Variants in EHMT1 observed in about 807,000 individuals in gnomAD.
EHMT1 encodes the protein euchromatic histone lysine methyltransferase 1.
A neutral mutation model predicts 147.2 loss-of-function variants in EHMT1; 15 were observed. The ratio of observed to expected loss-of-function variants is 0.10; its 90% CI spans 0.07 to 0.16. EHMT1 has a LOEUF of 0.16. Among genes scored for constraint, EHMT1 ranks in the 10% least tolerant of loss-of-function variants. The pLI, the probability that EHMT1 is intolerant of heterozygous loss-of-function variation, is 1.00. For missense variants in EHMT1, 1,587 were observed against 1,772.4 expected, an observed-to-expected ratio of 0.90 and a Z score of 1.88; for synonymous variants, 795 against 709.6, an observed-to-expected ratio of 1.12 and a Z score of -1.91.
At position 137,782,322 on chromosome 9, in the gene EHMT1, G is replaced by A. The variant is rs1363468208; in HGVS notation, c.2307G>A (p.Glu769=). The part of the protein sequence containing the change: ...VDGIDPNFKM[E]HQNKRSPLHA... The stretch of plus-strand genomic sequence containing the variant: ...GAATTGACCCCAACTTCAAAATGGA[G>A]CACCAGAATAAGCGCTCTCCACTGC... Residue 769 remains glutamate, a synonymous_variant, in exon 15 of 27, where the codon GAG becomes GAA. Coordinates refer to ENST00000460843, the MANE Select transcript of EHMT1 (RefSeq NM_024757.5). This position sits in a 1 kb window ranked among gnomAD's most constrained non-coding sequence, Gnocchi z 5.7. 8 of 1,613,562 alleles carry A rather than the reference G, an allele frequency of 5.0e-6. No individual in the cohort carries two copies. The highest frequency in any genetic ancestry group is 6.8e-6 in the Non-Finnish European group (8 of 1,179,956).
chr9:137,629,581 G>A (rs1843487725), intron 1 of EHMT1, among the ~76,000 whole-genome samples: 2 of 151,986 alleles, frequency 1.3e-5, no homozygotes, highest in Admixed American at 1.3e-4. Flanking sequence ...TTTTAGTAGA[G>A]ACAGGGTTTC....
intron 4 of EHMT1, among the ~76,000 whole-genome samples, chr9:137,737,092 T>C (rs1947604762): frequency 1.3e-5 from 2 of 152,004 alleles, no homozygotes; most frequent in African/African-American, 4.8e-5. Flanking sequence ...TGGTTCCAGC[T>C]ACTCCAGAGC....
chr9:137,717,605 CAAAAAAAA>C lies in EHMT1; in HGVS notation c.642+437_642+444del, dbSNP rs1163785484. 8.6e-5 allele frequency among the ~76,000 whole-genome samples: 6 copies of C among 69,614 alleles called. No homozygotes were observed. The East Asian group carries it at 1.4e-3, about 17-fold the overall frequency. The allele number at this position is 69,614 out of a possible 152,430, so 45.7% of individuals were successfully genotyped here. A position where few individuals can be genotyped will look rare whatever the true frequency, so the allele number is the denominator to read the frequency against. On this transcript the variant is annotated intron_variant, in intron 3 of 26. Coordinates refer to ENST00000460843, the MANE Select transcript of EHMT1 (RefSeq NM_024757.5). ...TGGGCACCAGAGTGAGACCCTGTCT[CAAAAAAAA>C]AAAAAAAAAAAAAGAGATGCTGCTA...
chr9:137,635,984 C>T (rs960097980), intron 1 of EHMT1, among the ~76,000 whole-genome samples: 3 of 150,446 alleles, frequency 2.0e-5, no homozygotes, highest in East Asian at 2.0e-4. Flanking sequence ...TGCAGTGGTA[C>T]GATCTCGGTT....
In EHMT1 at chr9:137,834,486, C is replaced by T; in HGVS notation, c.3678C>T (p.Phe1226=). 1 of 1,612,474 alleles carries T rather than the reference C, an allele frequency of 6.2e-7. No individual in the cohort carries two copies. The highest frequency in any genetic ancestry group is 8.5e-7 in the Non-Finnish European group (1 of 1,179,782). Residue 1226 remains phenylalanine, a synonymous_variant, in exon 26 of 27, where the codon TTC becomes TTT. Transcript: ENST00000460843. ...HQDLRFPRIA[F]FSTRLIEAGE... Reference sequence around the variant, plus strand: ...ACCTGCGGTTCCCCCGGATCGCCTTCTTCAGCACCCGCCTGATCGAGGCCG... The same window carrying T: ...ACCTGCGGTTCCCCCGGATCGCCTTTTTCAGCACCCGCCTGATCGAGGCCG...
chr9:137,701,276 T>C (rs533534788), intron 1 of EHMT1, among the ~76,000 whole-genome samples: 1 of 120,348 alleles, frequency 8.3e-6, no homozygotes, highest in African/African-American at 3.3e-5. Flanking sequence ...TCACATTTCT[T>C]TTTTTTTTTT....
chr9:137,699,501 C>T (rs957658305), intron 1 of EHMT1, among the ~76,000 whole-genome samples: 2 of 152,064 alleles, frequency 1.3e-5, no homozygotes, highest in Non-Finnish European at 1.5e-5. Context: ...GATGAAACCC[C>T]GTCTCTACTA....
At chr9:137,803,011 GT>G in intron 18 of EHMT1, 1 of 1,231,656 alleles carries the variant, frequency 8.1e-7, no homozygotes, top group East Asian at 3.2e-5. Context: ...CCACCCCCAG[GT>G]GGGGCCACCT....
In EHMT1 at chr9:137,828,545, C is replaced by T. The variant is rs930123036; in HGVS notation, c.3541-5804C>T. ...CTGGGGTCAGACTGAGAAAGGGGCTCGTCCTGAGAAGCCACAAAGTGTGCT... is the reference window on the plus strand; with the variant it reads ...CTGGGGTCAGACTGAGAAAGGGGCTTGTCCTGAGAAGCCACAAAGTGTGCT... On this transcript the variant is annotated intron_variant, in intron 25 of 26. Transcript: ENST00000460843. This position sits in a 1 kb window ranked among gnomAD's most constrained non-coding sequence, Gnocchi z 5.3. 2.0e-5 allele frequency among the ~76,000 whole-genome samples: 3 copies of T among 151,626 alleles called. No homozygotes were observed. The highest frequency in any genetic ancestry group is 2.9e-5 in the Non-Finnish European group (2 of 67,918).
chr9:137,737,497 C>CAGA lies in EHMT1; in HGVS notation c.824-5871_824-5869dup, dbSNP rs1359470149. ...CTGGACCCTTACCTCACACCATATGCAGAAGTTAGCCTAAGACAGGTCCAG... is the reference window on the plus strand; with the variant it reads ...CTGGACCCTTACCTCACACCATATGCAGAAGAAGTTAGCCTAAGACAGGTCCAG... On this transcript the variant is annotated intron_variant, in intron 4 of 26. Transcript: ENST00000460843. Among the ~76,000 whole-genome samples, 3 of 152,160 alleles carry CAGA rather than the reference C, an allele frequency of 2.0e-5. No individual in the cohort carries two copies. In the East Asian group the frequency reaches 5.8e-4, roughly 29 times the overall value.
In EHMT1 at chr9:137,744,030, C is replaced by T; in HGVS notation, c.1110C>T (p.Phe370=). ...DGHGAEQAAA[F]PTEDSRTSKE... is the part of the protein sequence containing the mutation. ...ATGGTGCAGAGCAGGCGGCCGCGTT[C>T]CCCACAGAGGACAGCAGGACTTCCA... Residue 370 remains phenylalanine (F), a synonymous_variant, in exon 6 of 27, where the codon TTC becomes TTT. Transcript: ENST00000460843. 10 of 1,614,098 alleles carry T rather than the reference C, an allele frequency of 6.2e-6. No individual in the cohort carries two copies. Among genetic ancestry groups the T allele is most frequent in the Non-Finnish European group, 8.5e-6 (10 of 1,180,020 alleles).
chr9:137,748,929 A>G (rs1022370469), intron 6 of EHMT1, among the ~76,000 whole-genome samples: 2 of 152,186 alleles, frequency 1.3e-5, no homozygotes, highest in Admixed American at 6.5e-5. Context: ...CATTCTGCTC[A>G]GAAGCCACTT....
chr9:137,623,729 C>G (rs542499487), intron 1 of EHMT1, among the ~76,000 whole-genome samples: 18 of 152,290 alleles, frequency 1.2e-4, no homozygotes, highest in Non-Finnish European at 2.4e-4. Flanking sequence ...CCGCAAATGT[C>G]TTTATTCTGC....
intron 1 of EHMT1, among the ~76,000 whole-genome samples, chr9:137,668,333 T>TCACC (rs1452728532): frequency 6.9e-6 from 1 of 144,040 alleles, no homozygotes; most frequent in African/African-American, 2.5e-5. Flanking sequence ...CACCCACCAC[T>TCACC]CACCCACCCA....
At chr9:137,725,433 A>G (rs1946531321) in intron 3 of EHMT1, among the ~76,000 whole-genome samples, 1 of 152,092 alleles carries the variant, frequency 6.6e-6, no homozygotes, top group African/African-American at 2.4e-5. Flanking sequence ...TCCCTCGGGG[A>G]AAAAGTAAGG....
At chr9:137,722,575 G>A (rs553425504) in intron 3 of EHMT1, among the ~76,000 whole-genome samples, 2 of 152,310 alleles carry the variant, frequency 1.3e-5, no homozygotes, top group African/African-American at 4.8e-5. Context: ...GAGGTGGTGC[G>A]GCAGAGACTA....
chr9:137,692,603 TAGAA>T (rs1043796353), intron 1 of EHMT1, among the ~76,000 whole-genome samples: 2 of 152,090 alleles, frequency 1.3e-5, no homozygotes, highest in African/African-American at 4.8e-5. Context: ...TCTTTTTACT[TAGAA>T]AGGAGTTTTT....
intron 16 of EHMT1, among the ~76,000 whole-genome samples, chr9:137,793,934 AG>A (rs1952712491): frequency 6.6e-6 from 1 of 152,210 alleles, no homozygotes; most frequent in South Asian, 2.1e-4. Flanking sequence ...GTAATGAAAA[AG>A]TTTTGGAAAT....
Position 137,776,578 on chromosome 9 carries a change from C to T in EHMT1, c.1792-40C>T. The T allele has an allele frequency of 6.2e-7, 1 of 1,606,732 alleles. No homozygotes were observed. Among genetic ancestry groups the T allele is most frequent in the East Asian group, 2.2e-5 (1 of 44,822 alleles). On this transcript the variant is annotated intron_variant, in intron 11 of 26. Coordinates refer to ENST00000460843, the MANE Select transcript of EHMT1 (RefSeq NM_024757.5). The surrounding 1 kb of genome is among the most constrained non-coding windows in gnomAD (Gnocchi z 4.4). ...ACTTTATTTTTCTAAATATTAACCC[C>T]AATTAAAACAAAAATTTTTTTTTGT...
Sources: allele counts gnomAD v4.1 joint callset (sites outside exome capture counted in the v4.1 genomes callset), GRCh38; gene constraint gnomAD v4.1.1; non-coding constraint Gnocchi (gnomAD v3.1); transcripts MANE v1.5; gene names NCBI Gene and HGNC (gene_info 2026-07-23, HGNC 2026-07-21).